MICU2: variants seen among roughly 807,000 people sequenced by gnomAD.
The protein encoded by MICU2 is calcium uptake protein 2, mitochondrial.
Under a neutral mutation model 60.4 loss-of-function variants are expected in MICU2, and 64 were observed. That is an observed-to-expected ratio of 1.06 (90% CI 0.87 to 1.31). MICU2 has a LOEUF of 1.31. MICU2 is among the 50% of genes most tolerant of loss of function. MICU2 has a pLI of 0.00. For missense variants in MICU2, 569 were observed against 531.0 expected (o/e 1.07, Z -0.70); for synonymous variants, 201 against 175.0 (o/e 1.15, Z -1.17).
Position 21,563,613 on chromosome 13 carries a change from CTCTT to C in MICU2, c.358+3180_358+3183del, listed in dbSNP as rs778362957. On this transcript the variant is annotated intron_variant, in intron 2 of 11. Transcript: ENST00000382374. ...ATTATTATTTCAAATACTTCTTTTC[CTCTT>C]TCTTTTTTTCCTGGTGTTCCTGTTC... Among the ~76,000 whole-genome samples, 55 of 151,896 alleles carry C rather than the reference CTCTT, an allele frequency of 3.6e-4. 1 individual carries two copies. Among genetic ancestry groups the C allele is most frequent in the Non-Finnish European group, 7.2e-4 (49 of 67,994 alleles).
chr13:21,539,241 TTAA>T, intron 4 of MICU2, 58 bp downstream of exon 4: 1 of 1,409,502 alleles, frequency 7.1e-7, no homozygotes, highest in Non-Finnish European at 1.0e-6. Flanking sequence ...CCTTAATTCC[TTAA>T]TAATACTTCA....
chr13:21,598,723 A>G (rs1414222646), intron 1 of MICU2, among the ~76,000 whole-genome samples: 1 of 152,192 alleles, frequency 6.6e-6, no homozygotes, highest in African/African-American at 2.4e-5. Context: ...CTCCAAAAAA[A>G]GAAAAAAAAA....
intron 4 of MICU2, among the ~76,000 whole-genome samples, chr13:21,536,335 T>G (rs919812360): frequency 1.3e-5 from 2 of 151,658 alleles, no homozygotes; most frequent in African/African-American, 4.8e-5. Context: ...AATTTAAAAC[T>G]AAATTTTTTT....
At chr13:21,597,387 G>A (rs147984176) in intron 1 of MICU2, among the ~76,000 whole-genome samples, 25 of 152,286 alleles carry the variant, frequency 1.6e-4, no homozygotes, top group Non-Finnish European at 3.2e-4. Context: ...ATCTGGGACA[G>A]TTAGTAACTT....
chr13:21,546,256 T>A (rs1164638495), intron 2 of MICU2, among the ~76,000 whole-genome samples: 1 of 151,838 alleles, frequency 6.6e-6, no homozygotes, highest in Admixed American at 6.6e-5. Context: ...TTCCAAAGTA[T>A]GGTCTTCAAA....
chr13:21,571,550 T>C (rs552311571), intron 1 of MICU2, among the ~76,000 whole-genome samples: 1 of 152,154 alleles, frequency 6.6e-6, no homozygotes, highest in East Asian at 1.9e-4. Flanking sequence ...ACAAAAAAAT[T>C]AGCCAGGCGT....
At chr13:21,515,370 C>T (rs1442822922) in intron 6 of MICU2, among the ~76,000 whole-genome samples, 2 of 152,240 alleles carry the variant, frequency 1.3e-5, no homozygotes, top group African/African-American at 2.4e-5. Flanking sequence ...GCTTGAGCCA[C>T]TGTGCCCGGC....
At chr13:21,494,086 T>C (rs1199938) in intron 11 of MICU2, among the ~76,000 whole-genome samples, 75,092 of 151,984 alleles carry the variant, frequency 0.49, 18,646 homozygotes, top group Middle Eastern at 0.55. Context: ...TACACTCAAT[T>C]GTGAACTGAA....
intron 9 of MICU2, among the ~76,000 whole-genome samples, chr13:21,502,283 T>C (rs549400843): frequency 4.6e-5 from 7 of 152,268 alleles, no homozygotes; most frequent in African/African-American, 9.6e-5. Context: ...TACATGTCCA[T>C]TGTAAACATT....
At chr13:21,495,083 T>G (rs908190249) in intron 11 of MICU2, 78 bp downstream of exon 11, 1 of 1,126,060 alleles carries the variant, frequency 8.9e-7, no homozygotes, top group African/African-American at 1.6e-5. Context: ...ATTTAAAGAC[T>G]GTACAATTGC....
intron 4 of MICU2, among the ~76,000 whole-genome samples, chr13:21,526,283 TAC>T (rs1176643324): frequency 6.6e-6 from 1 of 151,858 alleles, no homozygotes; most frequent in Non-Finnish European, 1.5e-5. Context: ...TCTTAATATA[TAC>T]GTTTTCTCCC....
At chr13:21,582,713 T>C (rs1349515730) in intron 1 of MICU2, among the ~76,000 whole-genome samples, 1 of 152,206 alleles carries the variant, frequency 6.6e-6, no homozygotes, top group East Asian at 1.9e-4. Flanking sequence ...CATAAGTGTT[T>C]TTCCCACCAA....
rs143353204 is a variant in MICU2, at chr13:21,499,951, G to A, written c.933+2975C>T. 9.6e-4 allele frequency among the ~76,000 whole-genome samples: 146 copies of A among 152,170 alleles called. 1 individual carries two copies. Among genetic ancestry groups the A allele is most frequent in the African/African-American group, 2.9e-3 (120 of 41,508 alleles). On this transcript the variant is annotated intron_variant, in intron 9 of 11. Coordinates refer to ENST00000382374, the MANE Select transcript of MICU2 (RefSeq NM_152726.3). ...GAGGCAGGAGAATTGTTTGTATAGC[G>A]GACAGCACTGTTCCTCAGGAGCACA...
intron 8 of MICU2, among the ~76,000 whole-genome samples, chr13:21,507,764 C>G (rs139453959): frequency 1.3e-5 from 2 of 151,528 alleles, no homozygotes; most frequent in African/African-American, 2.4e-5. Context: ...CCACCTCGCC[C>G]GGCTAATTTT....
chr13:21,586,968 A>G (rs949406257), intron 1 of MICU2, among the ~76,000 whole-genome samples: 2 of 152,136 alleles, frequency 1.3e-5, no homozygotes, highest in African/African-American at 4.8e-5. Context: ...CTTTCCCATT[A>G]TTATTTGTCT....
intron 2 of MICU2, among the ~76,000 whole-genome samples, chr13:21,559,259 C>T (rs1412326852): frequency 6.6e-6 from 1 of 152,142 alleles, no homozygotes; most frequent in African/African-American, 2.4e-5. Flanking sequence ...CACTTTTACT[C>T]AGTAAAATTT....
chr13:21,520,666 T>TG (rs904360017), intron 6 of MICU2, among the ~76,000 whole-genome samples: 13 of 151,412 alleles, frequency 8.6e-5, no homozygotes, highest in African/African-American at 3.1e-4. Context: ...TTTTGTTTTT[T>TG]TTTTTTAATA....
chr13:21,494,914 G>C (rs1885954469), intron 11 of MICU2, among the ~76,000 whole-genome samples: 1 of 152,100 alleles, frequency 6.6e-6, no homozygotes, highest in African/African-American at 2.4e-5. Context: ...ACAGTCTAGA[G>C]TGCAGTGGTG....
chr13:21,540,765 C>T (rs915417525), intron 2 of MICU2, among the ~76,000 whole-genome samples: 3 of 152,144 alleles, frequency 2.0e-5, no homozygotes, highest in African/African-American at 7.2e-5. Context: ...CAAAGAGCCC[C>T]AGATTCTACT....
Sources: gnomAD v4.1 joint callset for allele counts (sites outside exome capture counted in the v4.1 genomes callset) on GRCh38, gnomAD v4.1.1 for gene constraint, MANE v1.5 for transcripts, NCBI Gene and HGNC (gene_info 2026-07-23, HGNC 2026-07-21) for gene names.